Variants in QKI observed in about 807,000 individuals in gnomAD.
The protein encoded by QKI is KH domain-containing RNA-binding protein QKI.
QKI carries 10 observed loss-of-function variants against 39.0 expected under a neutral mutation model. The ratio of observed to expected loss-of-function variants is 0.26; its 90% CI spans 0.16 to 0.43. The LOEUF (loss-of-function observed/expected upper bound fraction) is 0.43, where lower values mean the gene tolerates loss of function less well. Among genes scored for constraint, QKI ranks in the 20% least tolerant of loss-of-function variants. The pLI is 1.00. For synonymous variants in QKI, 204 were observed against 155.4 expected (o/e 1.31, Z -2.33); for missense variants, 218 against 428.0 (o/e 0.51, Z 4.33).
At position 163,495,248 on chromosome 6, in the gene QKI, A is replaced by C. The variant is rs562096692; in HGVS notation, c.402+16352A>C. Among the ~76,000 whole-genome samples, 3 of 152,266 alleles carry C rather than the reference A, an allele frequency of 2.0e-5. No homozygotes were observed. The East Asian group carries it at 5.8e-4, about 29-fold the overall frequency. On this transcript the variant is annotated intron_variant, in intron 3 of 7. Transcript: ENST00000361752. Reference sequence around the variant, plus strand: ...GTGTCTTTGAACAGAAACACATATAAAACTGAATTATGTATTGATGGTTGA... The same window carrying C: ...GTGTCTTTGAACAGAAACACATATACAACTGAATTATGTATTGATGGTTGA...
chr6:163,556,362 A>T (rs1391466190), intron 4 of QKI, among the ~76,000 whole-genome samples: 1 of 152,072 alleles, frequency 6.6e-6, no homozygotes, highest in Non-Finnish European at 1.5e-5. Flanking sequence ...AATACAAAAA[A>T]TTAGCTGGGC....
chr6:163,433,451 A>G (rs1214213221), intron 1 of QKI, among the ~76,000 whole-genome samples: 1 of 152,198 alleles, frequency 6.6e-6, no homozygotes, highest in Non-Finnish European at 1.5e-5. Context: ...CAGTATAAAT[A>G]TGAACCAGAA....
At chr6:163,504,839 T>G (rs1778998359) in intron 3 of QKI, among the ~76,000 whole-genome samples, 1 of 152,212 alleles carries the variant, frequency 6.6e-6, no homozygotes. Flanking sequence ...TTTTCTTTCT[T>G]TCTTTTACCT....
chr6:163,490,784 A>G (rs544526311), intron 3 of QKI, among the ~76,000 whole-genome samples: 1 of 152,292 alleles, frequency 6.6e-6, no homozygotes, highest in East Asian at 1.9e-4. Context: ...AGTGGAAGAG[A>G]TGGACAGAAG....
At chr6:163,466,367 T>C (rs1791754375) in intron 2 of QKI, among the ~76,000 whole-genome samples, 1 of 152,146 alleles carries the variant, frequency 6.6e-6, no homozygotes, top group African/African-American at 2.4e-5. Flanking sequence ...CAAAATTCCA[T>C]TGGCATTTTT....
intron 7 of QKI, chr6:163,570,225 T>G: frequency 3.1e-6 from 3 of 982,432 alleles, no homozygotes; most frequent in Non-Finnish European, 3.6e-6. Context: ...CTGTTAATCA[T>G]CAGTTATTAA....
intron 3 of QKI, among the ~76,000 whole-genome samples, chr6:163,527,925 A>G (rs1780614485): frequency 6.6e-6 from 1 of 152,172 alleles, no homozygotes; most frequent in Non-Finnish European, 1.5e-5. Flanking sequence ...GAGGAATTTT[A>G]TGTAAGTGAA....
intron 3 of QKI, among the ~76,000 whole-genome samples, chr6:163,523,844 A>T (rs1780308554): frequency 6.6e-6 from 1 of 152,206 alleles, no homozygotes; most frequent in South Asian, 2.1e-4. Flanking sequence ...TAAAAGGAGC[A>T]GTCTTTGCTT....
At chr6:163,538,804 G>C (rs956014302) in intron 4 of QKI, among the ~76,000 whole-genome samples, 1 of 152,076 alleles carries the variant, frequency 6.6e-6, no homozygotes, top group African/African-American at 2.4e-5. Context: ...TTTTTTTGAA[G>C]GTAAAACTGC....
Position 163,508,877 on chromosome 6 carries a change from A to G in QKI, c.403-26105A>G, listed in dbSNP as rs535991901. On this transcript the variant is annotated intron_variant, in intron 3 of 7. Coordinates refer to ENST00000361752, the MANE Select transcript of QKI (RefSeq NM_006775.3). ...TTACTGGCCGGGCACGGTGGCTCACACTTGTAATCCCAGCACTTTGGGAGG... is the reference window on the plus strand; with the variant it reads ...TTACTGGCCGGGCACGGTGGCTCACGCTTGTAATCCCAGCACTTTGGGAGG... Among the ~76,000 whole-genome samples, 30 of 151,558 alleles carry G rather than the reference A, an allele frequency of 2.0e-4. No homozygotes were observed. The South Asian group carries it at 5.9e-3, about 30-fold the overall frequency.
At chr6:163,473,303 A>T (rs1027286933) in intron 2 of QKI, among the ~76,000 whole-genome samples, 4 of 152,148 alleles carry the variant, frequency 2.6e-5, no homozygotes, top group African/African-American at 9.7e-5. Flanking sequence ...ACGTAAGACT[A>T]ACACTGAGGC....
chr6:163,566,078 T>G (rs1783345803), intron 6 of QKI: 1 of 1,544,564 alleles, frequency 6.5e-7, no homozygotes, highest in South Asian at 1.2e-5. Context: ...GTCAGTGACT[T>G]ACTTGCACTT....
At chr6:163,479,934 C>T (rs1472390656) in intron 3 of QKI, among the ~76,000 whole-genome samples, 1 of 152,172 alleles carries the variant, frequency 6.6e-6, no homozygotes. Context: ...AAGGCTATCA[C>T]TAGCCATATG....
intron 4 of QKI, among the ~76,000 whole-genome samples, chr6:163,550,328 A>G (rs1261198827): frequency 1.3e-5 from 2 of 152,104 alleles, no homozygotes; most frequent in East Asian, 3.8e-4. Context: ...TTCCTGTAAT[A>G]ATCCATTAAT....
chr6:163,470,341 C>T (rs577898473), intron 2 of QKI, among the ~76,000 whole-genome samples: 2 of 152,148 alleles, frequency 1.3e-5, no homozygotes, highest in South Asian at 4.1e-4. Context: ...GTTGCAGGTC[C>T]TCACAGAGAC....
chr6:163,423,405 C>T (rs1788160329), intron 1 of QKI: 1 of 152,184 alleles, frequency 6.6e-6, no homozygotes, highest in African/African-American at 2.4e-5. Context: ...TGCAGGGGAC[C>T]TGAGAGTTGG....
Position 163,568,663 on chromosome 6 carries a change from T to G in QKI, c.1009+1868T>G. On this transcript the variant is annotated intron_variant, in intron 7 of 7. Coordinates refer to ENST00000361752, the MANE Select transcript of QKI (RefSeq NM_006775.3). ...TAAAAAAATATTTTGAAGAGAAGTT[T>G]ATTAGTATAAGCATTCATTTAATGC... 3.1e-6 allele frequency: 3 copies of G among 978,016 alleles called. No individual in the cohort carries two copies. The East Asian group carries it at 3.4e-4, about 111-fold the overall frequency. The allele number at this position is 978,016 out of a possible 1,614,324, so 60.6% of individuals were successfully genotyped here.
intron 1 of QKI, among the ~76,000 whole-genome samples, chr6:163,430,660 G>A (rs1390484873): frequency 6.6e-6 from 1 of 152,134 alleles, no homozygotes; most frequent in Non-Finnish European, 1.5e-5. Context: ...GGTCTAGATA[G>A]TATGGCATAG....
At chr6:163,548,019 A>G (rs1377965411) in intron 4 of QKI, among the ~76,000 whole-genome samples, 2 of 152,114 alleles carry the variant, frequency 1.3e-5, no homozygotes, top group East Asian at 3.8e-4. Flanking sequence ...TTACACCCAC[A>G]CATATTAAAT....
Sources: gnomAD v4.1 joint callset for allele counts (sites outside exome capture counted in the v4.1 genomes callset) on GRCh38, gnomAD v4.1.1 for gene constraint, MANE v1.5 for transcripts, NCBI Gene and HGNC (gene_info 2026-07-23, HGNC 2026-07-21) for gene names.